The following STS variants were observed in gnomAD, a reference collection of about 807,000 sequenced individuals.
The protein encoded by STS is steryl-sulfatase.
STS carries 7 observed loss-of-function variants against 26.8 expected under a neutral mutation model. That is an observed-to-expected ratio of 0.26 (90% CI 0.15 to 0.49). The LOEUF (loss-of-function observed/expected upper bound fraction) is 0.49, where lower values mean the gene tolerates loss of function less well. STS is among the 20% of genes least tolerant of loss of function. The pLI is 0.98. For synonymous variants in STS, 199 were observed against 189.4 expected, an observed-to-expected ratio of 1.05 and a Z score of -0.42; for missense variants, 434 against 465.6, an observed-to-expected ratio of 0.93 and a Z score of 0.63.
rs1381872811 is a variant in STS at position 7,203,942 on chromosome X, G to A, written c.-5+12934G>A. On this transcript the variant is annotated intron_variant, in intron 2 of 10. Coordinates refer to ENST00000674429, the MANE Select transcript of STS (RefSeq NM_001320752.2). ...TGGGACTACAGGCGTGTTCTACCACGCCCAGATAATTTTTAACTTTTTTGT... is the reference window on the plus strand; with the variant it reads ...TGGGACTACAGGCGTGTTCTACCACACCCAGATAATTTTTAACTTTTTTGT... Among the ~76,000 whole-genome samples, 4 of 110,674 alleles carry A rather than the reference G, an allele frequency of 3.6e-5. No individual in the cohort carries two copies. The East Asian group carries it at 8.5e-4, about 24-fold the overall frequency.
At chrX:7,289,096 A>C (rs1480880331) in intron 7 of STS, among the ~76,000 whole-genome samples, 3 of 111,661 alleles carry the variant, frequency 2.7e-5, no homozygotes, top group African/African-American at 9.8e-5. Flanking sequence ...ATGAGTTAGG[A>C]CCACAAGGAG....
At chrX:7,240,533 GTA>G (rs58524417) in intron 2 of STS, among the ~76,000 whole-genome samples, 56 of 60,538 alleles carry the variant, frequency 9.3e-4, no homozygotes, top group African/African-American at 1.6e-3. Context: ...GTGTGTGTGT[GTA>G]TATATATATA....
intron 1 of STS, among the ~76,000 whole-genome samples, chrX:7,157,352 A>G (rs920233492): frequency 4.5e-5 from 5 of 111,261 alleles, no homozygotes; most frequent in Non-Finnish European, 9.4e-5. Context: ...TTTCCCACCA[A>G]CAGTCTCTCT....
chrX:7,201,377 A>G (rs776664283), intron 2 of STS, among the ~76,000 whole-genome samples: 25 of 112,000 alleles, frequency 2.2e-4, no homozygotes, highest in African/African-American at 8.1e-4. Flanking sequence ...CACTCCTTCA[A>G]GATTGCTCTC....
In STS at chrX:7,219,693, G is replaced by A. The variant is rs376690153; in HGVS notation, c.-5+28685G>A. The A allele has an allele frequency of 5.9e-5, 72 of 1,210,214 alleles. No individual in the cohort carries two copies. In the African/African-American group the frequency reaches 9.9e-4, roughly 17 times the overall value. Reference sequence around the variant, plus strand: ...AGCTGGAGATGCCTTTAAGGTAAGCGTCTATTCCCCTGGCCAGGCTGGGAG... The same window carrying A: ...AGCTGGAGATGCCTTTAAGGTAAGCATCTATTCCCCTGGCCAGGCTGGGAG... On this transcript the variant is annotated intron_variant, in intron 2 of 10. Coordinates refer to ENST00000674429, the MANE Select transcript of STS (RefSeq NM_001320752.2).
chrX:7,307,747 A>G (rs1293313780), intron 8 of STS, among the ~76,000 whole-genome samples: 2 of 111,771 alleles, frequency 1.8e-5, no homozygotes, highest in Non-Finnish European at 3.8e-5. Flanking sequence ...GGCTTCCTCC[A>G]GGCCCCTTGG....
At chrX:7,227,327 C>T (rs899493516) in intron 2 of STS, among the ~76,000 whole-genome samples, 11 of 111,401 alleles carry the variant, frequency 9.9e-5, no homozygotes, top group Non-Finnish European at 2.1e-4. Context: ...GTCCCACTCT[C>T]TTCACTTGAT....
At chrX:7,340,844 C>T (rs947071767) in intron 10 of STS, among the ~76,000 whole-genome samples, 17 of 111,621 alleles carry the variant, frequency 1.5e-4, no homozygotes, top group South Asian at 3.8e-4. Flanking sequence ...CTACCCTAAA[C>T]GCATACAATG....
intron 1 of STS, among the ~76,000 whole-genome samples, chrX:7,170,110 G>A (rs1192511740): frequency 8.9e-6 from 1 of 111,785 alleles, no homozygotes; most frequent in Non-Finnish European, 1.9e-5. Flanking sequence ...ACAGATTATA[G>A]GGTCTTGTTG....
chrX:7,235,143 ATT>A (rs1219373430), intron 2 of STS, among the ~76,000 whole-genome samples: 1 of 112,123 alleles, frequency 8.9e-6, no homozygotes, highest in Admixed American at 9.5e-5. Context: ...AAGCATTTGG[ATT>A]TGGAGGTTGG....
At chrX:7,293,254 T>C (rs1367950386) in intron 7 of STS, among the ~76,000 whole-genome samples, 1 of 112,136 alleles carries the variant, frequency 8.9e-6, no homozygotes, top group African/African-American at 3.2e-5. Context: ...AAATGTTTAT[T>C]GGACTTCTTT....
intron 2 of STS, among the ~76,000 whole-genome samples, chrX:7,195,317 A>C (rs1184778658): frequency 8.9e-6 from 1 of 112,021 alleles, no homozygotes; most frequent in Non-Finnish European, 1.9e-5. Context: ...ACTACTGAAT[A>C]CAATCTCTAG....
intron 9 of STS, among the ~76,000 whole-genome samples, chrX:7,327,798 G>A (rs1286470393): frequency 1.8e-5 from 2 of 111,665 alleles, no homozygotes; most frequent in African/African-American, 6.5e-5. Context: ...TCAATAGGAG[G>A]ATTAAAAACC....
chrX:7,199,466 C>A (rs892214541), intron 2 of STS, among the ~76,000 whole-genome samples: 3 of 111,701 alleles, frequency 2.7e-5, no homozygotes, highest in Non-Finnish European at 3.8e-5. Flanking sequence ...TATAATAAAT[C>A]GTGTTTTCAC....
intron 7 of STS, among the ~76,000 whole-genome samples, chrX:7,279,291 AAAT>A (rs1430088611): frequency 1.3e-4 from 8 of 60,509 alleles, no homozygotes; most frequent in African/African-American, 4.7e-4. Context: ...AAAAAAAAAA[AAAT>A]ATATATATAT....
At chrX:7,277,558 A>T (rs1466622106) in intron 7 of STS, among the ~76,000 whole-genome samples, 1 of 111,663 alleles carries the variant, frequency 9.0e-6, no homozygotes, top group Non-Finnish European at 1.9e-5. Context: ...ATCTCTGTGA[A>T]CTTGGGAGAT....
intron 7 of STS, among the ~76,000 whole-genome samples, chrX:7,290,163 CAG>C (rs1925342466): frequency 9.0e-6 from 1 of 111,591 alleles, no homozygotes; most frequent in Admixed American, 9.5e-5. Flanking sequence ...TAATTGAAAG[CAG>C]ACAGTTCTTG....
chrX:7,190,982 G>A lies in STS; in HGVS notation c.-31G>A, dbSNP rs1416889673. 1.9e-5 allele frequency: 14 copies of A among 751,468 alleles called. No homozygotes were observed. The highest frequency in any genetic ancestry group is 7.6e-4 in the Middle Eastern group (1 of 1,320). 61.9% of individuals were successfully genotyped at this position (751,468 alleles called of 1,213,427 possible). A position where few individuals can be genotyped will look rare whatever the true frequency, so the allele number is the denominator to read the frequency against. ...TTAAGATCTTCCTGAGGACAATGGC[G>A]CAAGATCGTCTTCAGCTGTTCATAG... On this transcript the variant is annotated 5_prime_UTR_variant, in exon 2 of 11. Transcript: ENST00000674429.
At chrX:7,324,715 G>T (rs955176377) in intron 8 of STS, among the ~76,000 whole-genome samples, 1 of 111,374 alleles carries the variant, frequency 9.0e-6, no homozygotes, top group Non-Finnish European at 1.9e-5. Flanking sequence ...TTCCATCATG[G>T]ACTGAACTAG....
Sources: gnomAD v4.1 joint callset for allele counts (sites outside exome capture counted in the v4.1 genomes callset) on GRCh38, gnomAD v4.1.1 for gene constraint, MANE v1.5 for transcripts, NCBI Gene and HGNC (gene_info 2026-07-23, HGNC 2026-07-21) for gene names.